RIT2: variants seen among roughly 807,000 people sequenced by gnomAD.
RIT2 encodes Ras like without CAAX 2, also known as GTP-binding protein Rit2.
RIT2 carries 24 observed loss-of-function variants against 23.7 expected under a neutral mutation model. That is an observed-to-expected ratio of 1.01 (90% CI 0.73 to 1.43). RIT2 has a LOEUF of 1.43. Among genes scored for constraint, RIT2 ranks in the 40% most tolerant of loss-of-function variants. RIT2 has a pLI of 0.00. For missense variants in RIT2, 236 were observed against 266.9 expected, an observed-to-expected ratio of 0.88 and a Z score of 0.81; for synonymous variants, 107 against 91.1, an observed-to-expected ratio of 1.17 and a Z score of -0.99.
At chr18:42,832,256 A>G (rs762244070) in intron 4 of RIT2, among the ~76,000 whole-genome samples, 2 of 152,204 alleles carry the variant, frequency 1.3e-5, no homozygotes, top group African/African-American at 2.4e-5. Context: ...AATGAAACCA[A>G]CCATTACATT....
At chr18:43,101,701 C>A (rs968833307) in intron 1 of RIT2, among the ~76,000 whole-genome samples, 1 of 152,152 alleles carries the variant, frequency 6.6e-6, no homozygotes, top group Non-Finnish European at 1.5e-5. Context: ...CTAAGAATGG[C>A]AGACCACTTG....
At chr18:42,844,783 G>C (rs941924565) in intron 4 of RIT2, among the ~76,000 whole-genome samples, 5 of 152,110 alleles carry the variant, frequency 3.3e-5, no homozygotes, top group Non-Finnish European at 7.4e-5. Flanking sequence ...CTCACTTTGG[G>C]CCTCAGGTTT....
intron 3 of RIT2, among the ~76,000 whole-genome samples, chr18:42,934,698 T>C (rs1397523869): frequency 1.3e-5 from 2 of 152,196 alleles, no homozygotes; most frequent in Non-Finnish European, 2.9e-5. Context: ...CAGATATTAA[T>C]ATTGTATAGC....
intron 1 of RIT2, among the ~76,000 whole-genome samples, chr18:43,036,443 G>A (rs949575445): frequency 7.9e-5 from 12 of 152,268 alleles, no homozygotes; most frequent in African/African-American, 2.6e-4. Context: ...AGGAGGCTGA[G>A]GCAGGAGAAT....
At chr18:42,976,345 G>A (rs1910477731) in intron 2 of RIT2, among the ~76,000 whole-genome samples, 1 of 152,060 alleles carries the variant, frequency 6.6e-6, no homozygotes, top group African/African-American at 2.4e-5. Flanking sequence ...CAATTTCAGT[G>A]TTCCTAAATC....
intron 4 of RIT2, among the ~76,000 whole-genome samples, chr18:42,857,933 C>T (rs1478223275): frequency 5.9e-5 from 9 of 152,170 alleles, no homozygotes; most frequent in Admixed American, 6.5e-5. Flanking sequence ...GTAATCCCAG[C>T]ACTTTGGGAG....
chr18:42,852,180 C>T (rs186489624), intron 4 of RIT2, among the ~76,000 whole-genome samples: 1 of 152,146 alleles, frequency 6.6e-6, no homozygotes, highest in Non-Finnish European at 1.5e-5. Context: ...TGCCTTAACA[C>T]AATAAAATGG....
chr18:43,096,064 C>A (rs907390806), intron 1 of RIT2, among the ~76,000 whole-genome samples: 2 of 151,734 alleles, frequency 1.3e-5, no homozygotes, highest in African/African-American at 4.8e-5. Context: ...AGAAGCAGAA[C>A]AATCCGGAAA....
At chr18:43,099,550 T>C in intron 1 of RIT2, among the ~76,000 whole-genome samples, 1 of 152,098 alleles carries the variant, frequency 6.6e-6, no homozygotes, top group East Asian at 1.9e-4. Flanking sequence ...ACTTGTTTAT[T>C]TGGATTATTA....
At chr18:43,101,555 G>C (rs1031470351) in intron 1 of RIT2, among the ~76,000 whole-genome samples, 1 of 152,156 alleles carries the variant, frequency 6.6e-6, no homozygotes, top group African/African-American at 2.4e-5. Flanking sequence ...TAGAAGAAGA[G>C]GAAGAATCAG....
At position 42,955,605 on chromosome 18, in the gene RIT2, T is replaced by A. The variant is rs909783420; in HGVS notation, c.234+18469A>T. Among the ~76,000 whole-genome samples the A allele has an allele frequency of 2.0e-5, 3 of 152,242 alleles. No individual in the cohort carries two copies. The South Asian group carries it at 6.2e-4, about 31-fold the overall frequency. On this transcript the variant is annotated intron_variant, in intron 3 of 4. Transcript: ENST00000326695. ...GAGCAGAGGCTAAGATCTTATTCTC[T>A]GGTTATATGCCTGAGTCTCTACCCC...
chr18:42,868,524 A>C (rs570788212), intron 4 of RIT2, among the ~76,000 whole-genome samples: 1 of 152,334 alleles, frequency 6.6e-6, no homozygotes, highest in South Asian at 2.1e-4. Context: ...AATTTCACAC[A>C]TTATTTCATT....
chr18:42,838,886 G>A (rs1906687697), intron 4 of RIT2, among the ~76,000 whole-genome samples: 1 of 152,090 alleles, frequency 6.6e-6, no homozygotes, highest in Non-Finnish European at 1.5e-5. Flanking sequence ...TATTGAAACT[G>A]GCATGCACAA....
chr18:43,057,654 C>A (rs572425805), intron 1 of RIT2, among the ~76,000 whole-genome samples: 5 of 151,640 alleles, frequency 3.3e-5, no homozygotes, highest in South Asian at 2.1e-4. Flanking sequence ...CCATGAGAAG[C>A]AGATGGCATT....
chr18:42,797,487 GTTTAA>G (rs1905402703), intron 4 of RIT2, among the ~76,000 whole-genome samples: 1 of 151,990 alleles, frequency 6.6e-6, no homozygotes, highest in Non-Finnish European at 1.5e-5. Flanking sequence ...ATATTATGCA[GTTTAA>G]TTTATAGTTT....
chr18:42,955,705 A>G (rs1372670926), intron 3 of RIT2, among the ~76,000 whole-genome samples: 1 of 152,164 alleles, frequency 6.6e-6, no homozygotes, highest in African/African-American at 2.4e-5. Flanking sequence ...CTTTTTATTG[A>G]GATTTAATTC....
At chr18:42,986,008 G>A (rs1320137074) in intron 2 of RIT2, among the ~76,000 whole-genome samples, 2 of 150,334 alleles carry the variant, frequency 1.3e-5, no homozygotes, top group African/African-American at 2.4e-5. Flanking sequence ...ACAACAAAAC[G>A]TTCATATCCA....
Position 43,009,189 on chromosome 18 carries a change from C to T in RIT2, c.160+24622G>A, listed in dbSNP as rs146576921. Among the ~76,000 whole-genome samples the T allele has an allele frequency of 2.7e-3, 416 of 151,660 alleles. 4 individuals carry two copies. Among genetic ancestry groups the T allele is most frequent in the African/African-American group, 9.2e-3 (380 of 41,428 alleles). On this transcript the variant is annotated intron_variant, in intron 2 of 4. Transcript: ENST00000326695. ...AAAAACCGAAGACATCCTAATTCCC[C>T]ATGTCTACACTAGAAAAAAAATTAG...
intron 1 of RIT2, among the ~76,000 whole-genome samples, chr18:43,090,987 G>T (rs76069672): frequency 1.3e-5 from 2 of 151,780 alleles, no homozygotes; most frequent in African/African-American, 4.8e-5. Context: ...AAGTTTATCT[G>T]TATGACAAGT....
Sources: gnomAD v4.1 joint callset for allele counts (sites outside exome capture counted in the v4.1 genomes callset) on GRCh38, gnomAD v4.1.1 for gene constraint, MANE v1.5 for transcripts, NCBI Gene and HGNC (gene_info 2026-07-23, HGNC 2026-07-21) for gene names.